The following BMP2K variants were observed in gnomAD, a reference collection of about 807,000 sequenced individuals.
The protein encoded by BMP2K is BMP-2-inducible protein kinase.
BMP2K carries 74 observed loss-of-function variants against 116.0 expected under a neutral mutation model. That is an observed-to-expected ratio of 0.64 (90% CI 0.53 to 0.77). BMP2K has a LOEUF of 0.77. Ranked by LOEUF, BMP2K falls within the 30% of genes least tolerant of loss-of-function variation. The probability of loss-of-function intolerance (pLI) is 0.00; values close to 1 mark genes in which losing one functional copy is unlikely to be tolerated. For synonymous variants in BMP2K, 486 were observed against 502.5 expected (o/e 0.97, Z 0.44); for missense variants, 1,365 against 1,403.6 (o/e 0.97, Z 0.44).
chr4:78,853,614 G>C (rs1053362301), intron 7 of BMP2K, among the ~76,000 whole-genome samples: 3 of 152,128 alleles, frequency 2.0e-5, no homozygotes, highest in African/African-American at 7.2e-5. Context: ...TGTGTTGTAA[G>C]GTGATTAAAG....
intron 1 of BMP2K, among the ~76,000 whole-genome samples, chr4:78,792,829 C>G (rs1006500035): frequency 1.3e-5 from 2 of 152,212 alleles, no homozygotes; most frequent in African/African-American, 4.8e-5. Context: ...TAAGAAAGTA[C>G]TAATTATCAT....
chr4:78,852,353 T>C (rs377177117), intron 7 of BMP2K, among the ~76,000 whole-genome samples: 14 of 152,254 alleles, frequency 9.2e-5, no homozygotes, highest in South Asian at 8.3e-4. Flanking sequence ...TAATCATGTA[T>C]TATGTCTTTG....
intron 15 of BMP2K, among the ~76,000 whole-genome samples, chr4:78,888,670 C>T (rs757363679): frequency 1.6e-4 from 25 of 152,082 alleles, no homozygotes; most frequent in Non-Finnish European, 2.8e-4. Context: ...TGGAGGTTGG[C>T]CTAAAGATTT....
intron 1 of BMP2K, among the ~76,000 whole-genome samples, chr4:78,784,206 A>G (rs1727633433): frequency 6.6e-6 from 1 of 152,314 alleles, no homozygotes; most frequent in Non-Finnish European, 1.5e-5. Context: ...TTTCATATAC[A>G]TCCAATAGAG....
At chr4:78,863,112 A>G (rs1028750203) in intron 9 of BMP2K, among the ~76,000 whole-genome samples, 1 of 152,088 alleles carries the variant, frequency 6.6e-6, no homozygotes, top group African/African-American at 2.4e-5. Context: ...TTACAAGACA[A>G]TGAAATAGTG....
chr4:78,785,184 C>T (rs530197300), intron 1 of BMP2K, among the ~76,000 whole-genome samples: 1 of 152,162 alleles, frequency 6.6e-6, no homozygotes, highest in African/African-American at 2.4e-5. Flanking sequence ...AGTTGTGGTT[C>T]ACTGCAACCT....
chr4:78,843,328 T>C (rs1730848858), intron 4 of BMP2K, among the ~76,000 whole-genome samples: 1 of 151,934 alleles, frequency 6.6e-6, no homozygotes, highest in Admixed American at 6.6e-5. Flanking sequence ...TCCATATTAC[T>C]TCCTGTGATA....
At chr4:78,899,373 C>T (rs1733879514) in intron 15 of BMP2K, among the ~76,000 whole-genome samples, 1 of 152,074 alleles carries the variant, frequency 6.6e-6, no homozygotes, top group Non-Finnish European at 1.5e-5. Context: ...GAAAAGAGTT[C>T]ACATTCACAT....
At chr4:78,879,349 A>G (rs911220455) in intron 14 of BMP2K, 1 of 987,156 alleles carries the variant, frequency 1.0e-6, no homozygotes, top group African/African-American at 1.7e-5. Context: ...AATGTTTTGT[A>G]ATGTCCTTTT....
At chr4:78,828,534 G>A (rs529883258) in intron 2 of BMP2K, among the ~76,000 whole-genome samples, 59 of 152,142 alleles carry the variant, frequency 3.9e-4, no homozygotes, top group Admixed American at 8.5e-4. Context: ...TCAGAAAGGT[G>A]GGCAACGATT....
intron 2 of BMP2K, among the ~76,000 whole-genome samples, chr4:78,831,731 T>C (rs1730215222): frequency 6.6e-6 from 1 of 152,232 alleles, no homozygotes; most frequent in Non-Finnish European, 1.5e-5. Flanking sequence ...AATATTTTAA[T>C]AGGCCAGTAA....
In BMP2K at chr4:78,878,715, T is replaced by C. The variant is rs147425988; in HGVS notation, c.1794-19T>C. The C allele has an allele frequency of 2.1e-4, 331 of 1,552,186 alleles. No individual in the cohort carries two copies. Among genetic ancestry groups the C allele is most frequent in the Non-Finnish European group, 2.6e-4 (297 of 1,149,384 alleles). On this transcript the variant is annotated intron_variant, in intron 13 of 15. Coordinates refer to ENST00000502613, the MANE Select transcript of BMP2K (RefSeq NM_198892.2). The stretch of plus-strand genomic sequence containing the variant: ...TTTTTCTTTCCATCTTCTTTTTTCT[T>C]ACTCAATTATTACTATAGGTCAGTT...
intron 1 of BMP2K, among the ~76,000 whole-genome samples, chr4:78,792,340 A>G (rs1728043516): frequency 6.6e-6 from 1 of 152,206 alleles, no homozygotes; most frequent in Non-Finnish European, 1.5e-5. Context: ...CTGCATAAGG[A>G]AGCAGTATCG....
At chr4:78,833,154 A>C (rs1348027455) in intron 2 of BMP2K, among the ~76,000 whole-genome samples, 4 of 152,068 alleles carry the variant, frequency 2.6e-5, no homozygotes, top group African/African-American at 7.2e-5. Context: ...TGTGTCTATA[A>C]ATTCATGTAA....
intron 15 of BMP2K, among the ~76,000 whole-genome samples, chr4:78,900,170 C>T (rs1313783153): frequency 1.3e-5 from 2 of 152,208 alleles, no homozygotes; most frequent in Non-Finnish European, 2.9e-5. Flanking sequence ...TTATGATGAT[C>T]TACTTTCACT....
intron 1 of BMP2K, among the ~76,000 whole-genome samples, chr4:78,802,148 G>A (rs1027273614): frequency 1.3e-5 from 2 of 152,138 alleles, no homozygotes; most frequent in Middle Eastern, 3.2e-3. Context: ...TCATTTCACT[G>A]CCTTCTTCGT....
chr4:78,813,496 C>T (rs1052493037), intron 1 of BMP2K, among the ~76,000 whole-genome samples: 3 of 152,180 alleles, frequency 2.0e-5, no homozygotes, highest in Non-Finnish European at 4.4e-5. Flanking sequence ...TGATCTGGCT[C>T]TCTGTTTACT....
intron 7 of BMP2K, among the ~76,000 whole-genome samples, chr4:78,854,632 A>G (rs2110037793): frequency 6.6e-6 from 1 of 152,174 alleles, no homozygotes; most frequent in South Asian, 2.1e-4. Flanking sequence ...TTCTGGGCTC[A>G]GCTGATCCTC....
At position 78,872,711 on chromosome 4, in the gene BMP2K, A is replaced by G; in HGVS notation, c.1706A>G (p.Gln569Arg). The change falls in exon 13 of 16, where the codon CAA becomes CGA. Residue 569 changes from glutamine (Q) to arginine (R), a missense_variant. By Grantham distance (43) the Gln-to-Arg change is conservative (BLOSUM62 1). Transcript: ENST00000502613. ...QASPEYLTSP[Q>R]EFSPALVSYT... is the part of the protein sequence containing the mutation. ...TCACCTGAATATCTTACCTCCCCTC[A>G]AGAGTTCTCACCAGCCTTAGTTTCC... is the stretch of plus-strand genomic sequence containing the variant. 1.9e-6 allele frequency: 3 copies of G among 1,614,084 alleles called. No homozygotes were observed. Among genetic ancestry groups the G allele is most frequent in the Middle Eastern group, 1.6e-4 (1 of 6,062 alleles).
Sources: gnomAD v4.1 joint callset for allele counts (sites outside exome capture counted in the v4.1 genomes callset) on GRCh38, gnomAD v4.1.1 for gene constraint, MANE v1.5 for transcripts, NCBI Gene and HGNC (gene_info 2026-07-23, HGNC 2026-07-21) for gene names.